FHIT: variants seen among roughly 807,000 people sequenced by gnomAD.
FHIT encodes the protein bis(5'-adenosyl)-triphosphatase.
A neutral mutation model predicts 17.9 loss-of-function variants in FHIT; 19 were observed. The observed-to-expected ratio is 1.06, with a 90% CI of 0.74 to 1.56. The LOEUF is 1.56. FHIT is among the 40% of genes most tolerant of loss of function. The probability of loss-of-function intolerance (pLI) is 0.00; values close to 1 mark genes in which losing one functional copy is unlikely to be tolerated. For missense variants in FHIT, 248 were observed against 189.2 expected (o/e 1.31, Z -1.82); for synonymous variants, 81 against 69.7 (o/e 1.16, Z -0.81).
chr3:60,164,029 C>T (rs146459710), intron 5 of FHIT, among the ~76,000 whole-genome samples: 23 of 152,268 alleles, frequency 1.5e-4, no homozygotes, highest in African/African-American at 5.3e-4. Flanking sequence ...CAGGGGCATG[C>T]CTGGCTCAAA....
chr3:59,992,901 C>G (rs1454123198), intron 7 of FHIT, among the ~76,000 whole-genome samples: 1 of 152,048 alleles, frequency 6.6e-6, no homozygotes, highest in East Asian at 1.9e-4. Flanking sequence ...AATGAATCTA[C>G]CACACACTTG....
chr3:59,944,505 CATTT>C (rs1477345172), intron 7 of FHIT, among the ~76,000 whole-genome samples: 1 of 95,170 alleles, frequency 1.1e-5, no homozygotes, highest in Non-Finnish European at 2.4e-5. Flanking sequence ...CTTTATTAAA[CATTT>C]TTTTCTTTTT....
intron 3 of FHIT, among the ~76,000 whole-genome samples, chr3:60,864,807 C>T (rs1163037667): frequency 6.6e-6 from 1 of 151,788 alleles, no homozygotes; most frequent in East Asian, 1.9e-4. Flanking sequence ...GTGTATAGCC[C>T]ACAAGTATAA....
intron 5 of FHIT, among the ~76,000 whole-genome samples, chr3:60,137,195 G>A (rs1372633984): frequency 6.6e-6 from 1 of 152,126 alleles, no homozygotes; most frequent in Non-Finnish European, 1.5e-5. Flanking sequence ...CGCCTCCCTA[G>A]AGCGGAATGG....
chr3:60,929,075 A>C (rs2107355453), intron 3 of FHIT, among the ~76,000 whole-genome samples: 1 of 152,352 alleles, frequency 6.6e-6, no homozygotes, highest in African/African-American at 2.4e-5. Flanking sequence ...GCAAATCAAT[A>C]AACGTAATCC....
intron 4 of FHIT, among the ~76,000 whole-genome samples, chr3:60,553,951 G>A (rs931538801): frequency 1.3e-5 from 2 of 152,092 alleles, no homozygotes; most frequent in Non-Finnish European, 2.9e-5. Context: ...GCTGGGCATG[G>A]TGGTGGGCAC....
intron 5 of FHIT, among the ~76,000 whole-genome samples, chr3:60,110,760 C>G (rs1704634808): frequency 6.6e-6 from 1 of 152,118 alleles, no homozygotes; most frequent in African/African-American, 2.4e-5. Context: ...AGGTTGAGAC[C>G]TGGTCATCAT....
At chr3:60,467,750 C>T (rs1173476317) in intron 5 of FHIT, among the ~76,000 whole-genome samples, 5 of 151,896 alleles carry the variant, frequency 3.3e-5, no homozygotes, top group African/African-American at 4.8e-5. Context: ...GGTCTTTCCT[C>T]GAGAATGATC....
chr3:59,763,541 A>G (rs1368119165), intron 8 of FHIT, among the ~76,000 whole-genome samples: 2 of 152,234 alleles, frequency 1.3e-5, no homozygotes, highest in African/African-American at 2.4e-5. Flanking sequence ...AAATATGAAC[A>G]TGTATTCAGT....
At chr3:60,090,549 C>G (rs963113307) in intron 5 of FHIT, among the ~76,000 whole-genome samples, 1 of 152,162 alleles carries the variant, frequency 6.6e-6, no homozygotes, top group African/African-American at 2.4e-5. Flanking sequence ...AATATATCTC[C>G]TGTGTTCTCT....
chr3:60,164,072 T>C (rs982127903), intron 5 of FHIT, among the ~76,000 whole-genome samples: 1 of 152,126 alleles, frequency 6.6e-6, no homozygotes, highest in Non-Finnish European at 1.5e-5. Context: ...TTTTTTGGAA[T>C]TTCTCCCTAA....
intron 8 of FHIT, among the ~76,000 whole-genome samples, chr3:59,767,964 A>T (rs1701885208): frequency 6.6e-6 from 1 of 152,158 alleles, no homozygotes; most frequent in African/African-American, 2.4e-5. Flanking sequence ...TATTTGATGA[A>T]CTCTAGGGTA....
chr3:60,789,610 G>A (rs1700709590), intron 4 of FHIT, among the ~76,000 whole-genome samples: 1 of 152,170 alleles, frequency 6.6e-6, no homozygotes, highest in Non-Finnish European at 1.5e-5. Flanking sequence ...TGTATGGTGG[G>A]CAGCAATGTA....
At chr3:60,866,676 G>A (rs1553753933) in intron 3 of FHIT, among the ~76,000 whole-genome samples, 1 of 152,192 alleles carries the variant, frequency 6.6e-6, no homozygotes, top group East Asian at 1.9e-4. Context: ...TTGTTATGCA[G>A]CAATAGGTAC....
At chr3:60,203,125 T>C (rs923214031) in intron 5 of FHIT, among the ~76,000 whole-genome samples, 4 of 152,154 alleles carry the variant, frequency 2.6e-5, no homozygotes, top group South Asian at 4.1e-4. Flanking sequence ...CATGAGACTA[T>C]AGTTACTACA....
At chr3:61,022,418 A>T (rs982098885) in intron 3 of FHIT, among the ~76,000 whole-genome samples, 10 of 152,234 alleles carry the variant, frequency 6.6e-5, no homozygotes, top group African/African-American at 1.4e-4. Flanking sequence ...CAGAGGTAAA[A>T]GAGGAGCTGG....
At chr3:60,510,321 G>A (rs2034901114) in intron 5 of FHIT, among the ~76,000 whole-genome samples, 1 of 152,136 alleles carries the variant, frequency 6.6e-6, no homozygotes. Context: ...TATTCTGCAA[G>A]CCCAAAAAAG....
At chr3:60,356,491 A>C (rs1576528221) in intron 5 of FHIT, among the ~76,000 whole-genome samples, 1 of 152,290 alleles carries the variant, frequency 6.6e-6, no homozygotes, top group East Asian at 1.9e-4. Context: ...ACCACAGTAA[A>C]ATGTAAGACT....
intron 5 of FHIT, among the ~76,000 whole-genome samples, chr3:60,213,631 A>G (rs1260206600): frequency 6.6e-6 from 1 of 152,148 alleles, no homozygotes; most frequent in African/African-American, 2.4e-5. Flanking sequence ...CCTCTCAAAT[A>G]TTTTTGGCCT....
Sources: gnomAD v4.1 joint callset for allele counts (sites outside exome capture counted in the v4.1 genomes callset) on GRCh38, gnomAD v4.1.1 for gene constraint, MANE v1.5 for transcripts, NCBI Gene and HGNC (gene_info 2026-07-23, HGNC 2026-07-21) for gene names.